The following PAQR5 variants were observed in gnomAD, a reference collection of about 807,000 sequenced individuals.
PAQR5 encodes membrane progestin receptor gamma.
In PAQR5, 20 loss-of-function variants were observed where a neutral mutation model predicts 34.5. The observed-to-expected ratio is 0.58, with a 90% CI of 0.41 to 0.84. PAQR5 has a LOEUF of 0.84. PAQR5 is among the 40% of genes least tolerant of loss of function. The pLI, the probability that PAQR5 is intolerant of heterozygous loss-of-function variation, is 0.00. For missense variants in PAQR5, 378 were observed against 412.7 expected, an observed-to-expected ratio of 0.92 and a Z score of 0.73; for synonymous variants, 131 against 155.6, an observed-to-expected ratio of 0.84 and a Z score of 1.18.
intron 1 of PAQR5, among the ~76,000 whole-genome samples, chr15:69,324,503 T>A (rs538267240): frequency 1.3e-5 from 2 of 152,294 alleles, no homozygotes; most frequent in Admixed American, 6.5e-5. Flanking sequence ...AAGGAATCTG[T>A]CCAAGGGCAC....
At chr15:69,308,868 C>G (rs2053772279) in intron 1 of PAQR5, among the ~76,000 whole-genome samples, 1 of 151,902 alleles carries the variant, frequency 6.6e-6, no homozygotes, top group African/African-American at 2.4e-5. Context: ...ATTAGGCAAG[C>G]AGTGGTGAAG....
Position 69,405,240 on chromosome 15 carries a change from C to A in PAQR5, c.*1418C>A, listed in dbSNP as rs1595960937. ...TGCACTTGGTAATGACTTAGGGGGGCTTCCTCACAATGCAGGATCCTCTTT... is the reference window on the plus strand; with the variant it reads ...TGCACTTGGTAATGACTTAGGGGGGATTCCTCACAATGCAGGATCCTCTTT... On this transcript the variant is annotated 3_prime_UTR_variant, in exon 9 of 9. Transcript: ENST00000395407. 2 of 364,340 alleles carry A rather than the reference C, an allele frequency of 5.5e-6. No individual in the cohort carries two copies. Among genetic ancestry groups the A allele is most frequent in the South Asian group, 1.5e-4 (1 of 6,696 alleles). 22.6% of individuals were successfully genotyped at this position (364,340 alleles called of 1,614,324 possible). A position where few individuals can be genotyped will look rare whatever the true frequency, so the allele number is the denominator to read the frequency against.
At chr15:69,304,239 T>G (rs1322676840) in intron 1 of PAQR5, among the ~76,000 whole-genome samples, 1 of 152,190 alleles carries the variant, frequency 6.6e-6, no homozygotes, top group African/African-American at 2.4e-5. Flanking sequence ...CAGAGCTTCA[T>G]GCACTACTGC....
intron 3 of PAQR5, among the ~76,000 whole-genome samples, chr15:69,374,241 ATTG>A (rs2055641171): frequency 6.6e-6 from 1 of 152,120 alleles, no homozygotes; most frequent in African/African-American, 2.4e-5. Flanking sequence ...GTGGTGTGCA[ATTG>A]TTGTTTTATG....
At chr15:69,321,667 A>G (rs1246109937) in intron 1 of PAQR5, among the ~76,000 whole-genome samples, 2 of 152,232 alleles carry the variant, frequency 1.3e-5, no homozygotes, top group Non-Finnish European at 2.9e-5. Context: ...CAGATATACA[A>G]TTTTGGCACT....
At chr15:69,321,887 T>A (rs1046227413) in intron 1 of PAQR5, among the ~76,000 whole-genome samples, 13 of 152,184 alleles carry the variant, frequency 8.5e-5, no homozygotes, top group Admixed American at 8.5e-4. Context: ...AAGCTGGGTC[T>A]GTCTTGACCT....
At chr15:69,379,851 C>T in intron 3 of PAQR5, 32 bp from the exon 4 acceptor site, 1 of 1,607,890 alleles carries the variant, frequency 6.2e-7, no homozygotes, top group Non-Finnish European at 8.5e-7. Flanking sequence ...CCTCTGGTCT[C>T]ACCTCAGTGT....
chr15:69,359,366 G>T (rs967327912), intron 2 of PAQR5, among the ~76,000 whole-genome samples: 2 of 152,206 alleles, frequency 1.3e-5, no homozygotes, highest in African/African-American at 4.8e-5. Flanking sequence ...GACGGAAGCG[G>T]TTTATTTGGC....
Position 69,319,120 on chromosome 15 carries a change from C to T in PAQR5, c.-276-18221C>T, listed in dbSNP as rs933764440. Among the ~76,000 whole-genome samples, 15 of 145,362 alleles carry T rather than the reference C, an allele frequency of 1.0e-4. 1 individual carries two copies. The South Asian group carries it at 2.8e-3, about 27-fold the overall frequency. On this transcript the variant is annotated intron_variant, in intron 1 of 8. Transcript: ENST00000395407. ...CTGCACTCCAGCCTGGGCGACAGAGCGAGACTCCATTTCAAAAAATATATA... is the reference window on the plus strand; with the variant it reads ...CTGCACTCCAGCCTGGGCGACAGAGTGAGACTCCATTTCAAAAAATATATA...
rs368012379 is a variant in PAQR5 at position 69,337,417 on chromosome 15, C to G, written c.-200C>G. 1.3e-5 allele frequency: 2 copies of G among 152,366 alleles called. No homozygotes were observed. Among genetic ancestry groups the G allele is most frequent in the South Asian group, 4.1e-4 (2 of 4,826 alleles). The allele number at this position is 152,366 out of a possible 1,614,324, so 9.4% of individuals were successfully genotyped here. A position where few individuals can be genotyped will look rare whatever the true frequency, so the allele number is the denominator to read the frequency against. ...TGCTTCCTTTAAAGATGAAAGTTGACTTTTAGAGCCAATTAAAGCCCTTTG... is the reference window on the plus strand; with the variant it reads ...TGCTTCCTTTAAAGATGAAAGTTGAGTTTTAGAGCCAATTAAAGCCCTTTG... On this transcript the variant is annotated 5_prime_UTR_variant, in exon 2 of 9. Coordinates refer to ENST00000395407, the MANE Select transcript of PAQR5 (RefSeq NM_017705.4).
chr15:69,362,275 C>CA (rs1450024472), intron 3 of PAQR5, among the ~76,000 whole-genome samples: 1 of 152,178 alleles, frequency 6.6e-6, no homozygotes, highest in Non-Finnish European at 1.5e-5. Context: ...AGACCAACAT[C>CA]ACACTTTGCA....
At chr15:69,342,099 T>C (rs1375583117) in intron 2 of PAQR5, among the ~76,000 whole-genome samples, 1 of 152,158 alleles carries the variant, frequency 6.6e-6, no homozygotes. Context: ...TTAGTTTCTA[T>C]TTCTCCACAC....
At chr15:69,347,688 T>C (rs867135233) in intron 2 of PAQR5, among the ~76,000 whole-genome samples, 1 of 152,278 alleles carries the variant, frequency 6.6e-6, no homozygotes, top group South Asian at 2.1e-4. Context: ...AACAGAAATT[T>C]CTCACAGTTC....
chr15:69,307,854 C>T (rs73439102), intron 1 of PAQR5, among the ~76,000 whole-genome samples: 5,108 of 152,102 alleles, frequency 0.034, 274 homozygotes, highest in African/African-American at 0.12. Context: ...CAAGGGTGCC[C>T]AGGATTCTGG....
chr15:69,351,162 A>G (rs1463536813), intron 2 of PAQR5, among the ~76,000 whole-genome samples: 2 of 152,270 alleles, frequency 1.3e-5, no homozygotes, highest in Admixed American at 6.5e-5. Context: ...AATGAAAGCC[A>G]TTAGAGCTGT....
At chr15:69,362,506 A>C (rs1030910465) in intron 3 of PAQR5, among the ~76,000 whole-genome samples, 1 of 152,246 alleles carries the variant, frequency 6.6e-6, no homozygotes, top group African/African-American at 2.4e-5. Flanking sequence ...TATTTAAAAT[A>C]GGATACTTCA....
chr15:69,307,613 T>C (rs2053746918), intron 1 of PAQR5, among the ~76,000 whole-genome samples: 1 of 152,182 alleles, frequency 6.6e-6, no homozygotes, highest in Non-Finnish European at 1.5e-5. Flanking sequence ...CCCACAAGGC[T>C]GAGGAACTTG....
At chr15:69,375,193 G>A (rs1206784431) in intron 3 of PAQR5, among the ~76,000 whole-genome samples, 1 of 152,178 alleles carries the variant, frequency 6.6e-6, no homozygotes, top group Non-Finnish European at 1.5e-5. Flanking sequence ...TTGGACAGGG[G>A]CAGTTTCCTC....
chr15:69,362,670 A>C (rs1469608631), intron 3 of PAQR5, among the ~76,000 whole-genome samples: 2 of 152,204 alleles, frequency 1.3e-5, no homozygotes, highest in Non-Finnish European at 2.9e-5. Flanking sequence ...TGAGAATTAA[A>C]TGAGATAACC....
Sources: gnomAD v4.1 joint callset for allele counts (sites outside exome capture counted in the v4.1 genomes callset) on GRCh38, gnomAD v4.1.1 for gene constraint, MANE v1.5 for transcripts, NCBI Gene and HGNC (gene_info 2026-07-23, HGNC 2026-07-21) for gene names.